The following LIMK2 variants were observed in gnomAD, a reference collection of about 807,000 sequenced individuals.
The protein encoded by LIMK2 is LIM domain kinase 2.
A neutral mutation model predicts 75.7 loss-of-function variants in LIMK2; 35 were observed. The ratio of observed to expected loss-of-function variants is 0.46; its 90% CI spans 0.35 to 0.61. LIMK2 has a LOEUF of 0.61. Ranked by LOEUF, LIMK2 falls within the 20% of genes least tolerant of loss-of-function variation. LIMK2 has a pLI of 0.00. For synonymous variants in LIMK2, 301 were observed against 319.2 expected (o/e 0.94, Z 0.61); for missense variants, 623 against 831.0 (o/e 0.75, Z 3.08).
rs11703804 is a variant in LIMK2, at chr22:31,270,282, C to A, written c.1318-854C>A. On this transcript the variant is annotated intron_variant, in intron 11 of 15. Transcript: ENST00000331728. ...GAGATGGCTTTGAGCAGGGCTGACA[C>A]TGAAAAGGCTGGAAGAAAAAAACAG... is the stretch of plus-strand genomic sequence containing the variant. Among the ~76,000 whole-genome samples, 461 of 152,160 alleles carry A rather than the reference C, an allele frequency of 3.0e-3. 4 individuals are homozygous for A. Among genetic ancestry groups the A allele is most frequent in the Admixed American group, 5.8e-3 (88 of 15,286 alleles).
intron 11 of LIMK2, 131 bp from the exon 12 acceptor site, chr22:31,271,005 C>G: frequency 1.3e-6 from 1 of 758,822 alleles, no homozygotes; most frequent in Non-Finnish European, 2.3e-6. Context: ...GGCCCTGGCC[C>G]TGTTGTCCAG....
At position 31,262,499 on chromosome 22, in the gene LIMK2, G is replaced by T; in HGVS notation, c.658-96G>T. ...GCTAAAGGCCACCATTAGACAAGTT[G>T]AGCACTGGCCACACTGTGCCTGAGT... On this transcript the variant is annotated intron_variant, in intron 6 of 15. Transcript: ENST00000331728. The surrounding 1 kb of genome is among the most constrained non-coding windows in gnomAD (Gnocchi z 5.0). 1 of 1,227,172 alleles carries T rather than the reference G, an allele frequency of 8.1e-7. No homozygotes were observed. Among genetic ancestry groups the T allele is most frequent in the South Asian group, 1.4e-5 (1 of 71,958 alleles). The allele number at this position is 1,227,172 out of a possible 1,614,324, so 76.0% of individuals were successfully genotyped here.
chr22:31,265,067 G>A (rs1275239814), intron 7 of LIMK2, among the ~76,000 whole-genome samples: 4 of 151,988 alleles, frequency 2.6e-5, no homozygotes, highest in African/African-American at 4.8e-5. Context: ...GGTGGCACAC[G>A]CCTGTAATCC....
intron 11 of LIMK2, among the ~76,000 whole-genome samples, chr22:31,270,015 G>A (rs1405106494): frequency 6.6e-6 from 1 of 151,716 alleles, no homozygotes; most frequent in Admixed American, 6.6e-5. Flanking sequence ...TCACTTACCA[G>A]ACATTTGGGG....
intron 2 of LIMK2, among the ~76,000 whole-genome samples, chr22:31,249,871 TAC>T (rs2048708188): frequency 6.6e-6 from 1 of 152,314 alleles, no homozygotes; most frequent in East Asian, 1.9e-4. Flanking sequence ...ATGCTGACTC[TAC>T]CAAGCGCCCT....
intron 2 of LIMK2, among the ~76,000 whole-genome samples, chr22:31,246,722 G>A (rs998558275): frequency 5.6e-5 from 8 of 143,420 alleles, no homozygotes; most frequent in South Asian, 2.2e-4. Flanking sequence ...TGGCATCACC[G>A]CACTCCAGCC....
At chr22:31,252,737 A>G (rs913756074) in intron 2 of LIMK2, among the ~76,000 whole-genome samples, 3 of 152,210 alleles carry the variant, frequency 2.0e-5, no homozygotes, top group African/African-American at 7.2e-5. Flanking sequence ...AGAAATGAAC[A>G]CTTACTGGCT....
Position 31,262,890 on chromosome 22 carries a change from C to T in LIMK2, c.854+99C>T, listed in dbSNP as rs2048855484. On this transcript the variant is annotated intron_variant, in intron 7 of 15. Transcript: ENST00000331728. The surrounding 1 kb of genome is among the most constrained non-coding windows in gnomAD (Gnocchi z 5.0). Reference sequence around the variant, plus strand: ...CCTGCAGAGTTAGGAAAGGAACCAGCTGGCCAGGGACAGACTATGAGGATT... The same window carrying T: ...CCTGCAGAGTTAGGAAAGGAACCAGTTGGCCAGGGACAGACTATGAGGATT... 2 of 1,112,452 alleles carry T rather than the reference C, an allele frequency of 1.8e-6. No individual in the cohort carries two copies. Among genetic ancestry groups the T allele is most frequent in the Non-Finnish European group, 2.5e-6 (2 of 793,812 alleles). 68.9% of individuals were successfully genotyped at this position (1,112,452 alleles called of 1,614,324 possible). A position where few individuals can be genotyped will look rare whatever the true frequency, so the allele number is the denominator to read the frequency against.
In LIMK2 at chr22:31,225,689, G is replaced by A. The variant is rs767763567; in HGVS notation, c.17-31G>A. 8.4e-6 allele frequency: 13 copies of A among 1,550,926 alleles called. No homozygotes were observed. The East Asian group carries it at 2.9e-4, about 35-fold the overall frequency. ...CTGTCCCTTTGCCTCCTGCTACTTT[G>A]GGCCTCTCAACCTCTTGGTTTTGTG... On this transcript the variant is annotated intron_variant, in intron 1 of 15. Transcript: ENST00000331728.
rs773752918 is a variant in LIMK2, at chr22:31,268,133, C to T, written c.1261-11C>T. 11 of 1,613,734 alleles carry T rather than the reference C, an allele frequency of 6.8e-6. No homozygotes were observed. In the East Asian group the frequency reaches 2.2e-4, roughly 33 times the overall value. On this transcript the variant is annotated splice_polypyrimidine_tract_variant and intron_variant, in intron 10 of 15. Transcript: ENST00000331728. ...CTCAACAGCCTCTGAAAATCATTCC[C>T]CATTCTGCAGGATCCGTTCCCCTGG...
chr22:31,261,318 TG>T (rs1447038656), intron 5 of LIMK2, among the ~76,000 whole-genome samples: 1 of 151,602 alleles, frequency 6.6e-6, no homozygotes. Context: ...GAGGCCGAGG[TG>T]GGCGGATCAC....
intron 1 of LIMK2, among the ~76,000 whole-genome samples, chr22:31,216,832 C>CCCA (rs1162525748): frequency 6.6e-6 from 1 of 152,138 alleles, no homozygotes; most frequent in African/African-American, 2.4e-5. Context: ...TCTGATAGGG[C>CCCA]CCACCATCAC....
intron 5 of LIMK2, among the ~76,000 whole-genome samples, chr22:31,261,924 A>G (rs1291873747): frequency 6.6e-6 from 1 of 152,244 alleles, no homozygotes; most frequent in African/African-American, 2.4e-5. Flanking sequence ...GATGATGTTC[A>G]AGTTTCTGGC....
At position 31,224,703 on chromosome 22, in the gene LIMK2, A is replaced by G. The variant is rs761971302; in HGVS notation, c.17-1017A>G. Among the ~76,000 whole-genome samples the G allele has an allele frequency of 2.0e-5, 3 of 152,240 alleles. 1 individual carries two copies. The highest frequency in any genetic ancestry group is 2.0e-4 in the Admixed American group (3 of 15,286). ...ATTACTTTTCTTTTTCTGAACTAAAATAATACTTGGTTCTATCTCTGAAAT... is the reference window on the plus strand; with the variant it reads ...ATTACTTTTCTTTTTCTGAACTAAAGTAATACTTGGTTCTATCTCTGAAAT... On this transcript the variant is annotated intron_variant, in intron 1 of 15. Transcript: ENST00000331728.
chr22:31,276,662 A>T (rs1354256462), intron 15 of LIMK2: 1 of 1,029,172 alleles, frequency 9.7e-7, no homozygotes, highest in African/African-American at 1.7e-5. Context: ...GAGGGGCCCC[A>T]CGCGCGCACG....
intron 1 of LIMK2, among the ~76,000 whole-genome samples, chr22:31,222,520 G>A (rs918213854): frequency 6.6e-5 from 10 of 150,576 alleles, no homozygotes; most frequent in East Asian, 2.0e-4. Context: ...GACTACAGGC[G>A]TGCACCACCA....
intron 15 of LIMK2, among the ~76,000 whole-genome samples, chr22:31,276,524 C>T (rs1394762453): frequency 2.0e-5 from 3 of 146,946 alleles, no homozygotes; most frequent in Admixed American, 2.0e-4. Flanking sequence ...GGGCGGGGCG[C>T]GACCAGGCCA....
intron 14 of LIMK2, among the ~76,000 whole-genome samples, chr22:31,274,008 T>G (rs1016665491): frequency 5.9e-5 from 9 of 151,742 alleles, no homozygotes; most frequent in South Asian, 2.1e-4. Context: ...CAGGTTTTTT[T>G]TTTTTTTTTT....
intron 2 of LIMK2, among the ~76,000 whole-genome samples, chr22:31,236,931 C>CATAAA (rs200484476): frequency 0.18 from 26,190 of 144,584 alleles, 2,527 homozygotes; most frequent in East Asian, 0.33. Flanking sequence ...AATAAATAAA[C>CATAAA]ATAAAATAAA....
Sources: gnomAD v4.1 joint callset for allele counts (sites outside exome capture counted in the v4.1 genomes callset) on GRCh38, gnomAD v4.1.1 for gene constraint, Gnocchi (gnomAD v3.1) non-coding constraint, MANE v1.5 for transcripts, NCBI Gene and HGNC (gene_info 2026-07-23, HGNC 2026-07-21) for gene names.